Variants in KIF21A observed in about 807,000 individuals in gnomAD.
KIF21A encodes kinesin-like protein KIF21A.
In KIF21A, 114 loss-of-function variants were observed where a neutral mutation model predicts 202.9. The observed-to-expected ratio is 0.56, with a 90% confidence interval of 0.48 to 0.66. The LOEUF (loss-of-function observed/expected upper bound fraction) is 0.66. Among genes scored for constraint, KIF21A ranks in the 30% least tolerant of loss-of-function variants. The pLI, the probability that KIF21A is intolerant of heterozygous loss-of-function variation, is 0.00. For missense variants in KIF21A, 1,677 were observed against 1,994.9 expected (o/e 0.84, Z 3.04); for synonymous variants, 667 against 670.8 (o/e 0.99, Z 0.09).
At chr12:39,412,124 C>A (rs1271901064) in intron 1 of KIF21A, among the ~76,000 whole-genome samples, 2 of 152,086 alleles carry the variant, frequency 1.3e-5, no homozygotes, top group African/African-American at 4.8e-5. Context: ...TACACGGGAG[C>A]GTGAGCCCCA....
At chr12:39,320,886 G>GATC (rs1945152042) in intron 27 of KIF21A, among the ~76,000 whole-genome samples, 1 of 114,720 alleles carries the variant, frequency 8.7e-6, no homozygotes, top group Non-Finnish European at 1.6e-5. Context: ...AGTGAGCCAA[G>GATC]ATCACATCAC....
intron 24 of KIF21A, 36 bp from the exon 25 acceptor site, chr12:39,326,360 C>T (rs1469265336): frequency 1.4e-6 from 2 of 1,459,164 alleles, no homozygotes; most frequent in South Asian, 2.3e-5. Flanking sequence ...GCATTATCCC[C>T]ATGTCACAGT....
chr12:39,360,817 G>A (rs1369269334), intron 7 of KIF21A, among the ~76,000 whole-genome samples: 1 of 152,110 alleles, frequency 6.6e-6, no homozygotes, highest in Non-Finnish European at 1.5e-5. Context: ...TTTTTTAAAA[G>A]ACACTAAATT....
At chr12:39,398,497 A>G (rs528240415) in intron 1 of KIF21A, among the ~76,000 whole-genome samples, 8 of 152,258 alleles carry the variant, frequency 5.3e-5, no homozygotes, top group African/African-American at 1.7e-4. Flanking sequence ...GCTACTCAGG[A>G]GGGTGAGGCA....
chr12:39,326,504 G>T (rs1446176949), intron 24 of KIF21A, among the ~76,000 whole-genome samples, 180 bp from the exon 25 acceptor site: 1 of 152,176 alleles, frequency 6.6e-6, no homozygotes, highest in Non-Finnish European at 1.5e-5. Flanking sequence ...TCCTTTGATT[G>T]TGTGTTCTAG....
Position 39,301,576 on chromosome 12 carries a change from T to A in KIF21A, c.4835A>T (p.Asn1612Ile). The part of the protein sequence containing the change: ...GCRGGILKVW[N>I]MDTFMPVGEM... Reference sequence around the variant, plus strand: ...TCCCACTGGCATAAAAGTATCCATGTTCCAGACTTTCAAAATGCCCCCTCT... The same window carrying A: ...TCCCACTGGCATAAAAGTATCCATGATCCAGACTTTCAAAATGCCCCCTCT... The change falls in exon 37 of 38, where the codon AAC becomes ATC. Residue 1612 changes from asparagine (N) to isoleucine (I), a missense_variant. Physicochemically the swap from Asn to Ile is moderately radical, Grantham distance 149. Around this residue, in one of 3 missense-constraint regions of KIF21A, gnomAD observed 705 missense variants for 791.9 expected, o/e 0.89. Coordinates refer to ENST00000361418, the MANE Select transcript of KIF21A (RefSeq NM_001173464.2). The A allele has an allele frequency of 6.2e-7, 1 of 1,614,108 alleles. No homozygotes were observed. The highest frequency in any genetic ancestry group is 8.5e-7 in the Non-Finnish European group (1 of 1,179,978).
At chr12:39,381,347 T>C (rs578246002) in intron 1 of KIF21A, among the ~76,000 whole-genome samples, 1 of 151,468 alleles carries the variant, frequency 6.6e-6, no homozygotes, top group South Asian at 2.1e-4. Context: ...TGGGGAAAGC[T>C]AGCATTCTGA....
intron 1 of KIF21A, among the ~76,000 whole-genome samples, chr12:39,408,236 A>G (rs1361315711): frequency 2.0e-5 from 3 of 152,086 alleles, no homozygotes; most frequent in Non-Finnish European, 4.4e-5. Context: ...AAACTGTTCC[A>G]CCTCAGATCG....
chr12:39,368,936 T>C (rs909414966), intron 3 of KIF21A, among the ~76,000 whole-genome samples: 2 of 152,174 alleles, frequency 1.3e-5, no homozygotes, highest in African/African-American at 4.8e-5. Context: ...AGTGTTATTT[T>C]CCTTCTACTA....
At chr12:39,339,471 A>G (rs979981236) in intron 16 of KIF21A, among the ~76,000 whole-genome samples, 1 of 152,124 alleles carries the variant, frequency 6.6e-6, no homozygotes, top group Admixed American at 6.6e-5. Context: ...AGTACACTCC[A>G]TGATGTTTGC....
At chr12:39,340,845 G>T (rs1262014172) in intron 15 of KIF21A, 61 bp downstream of exon 15, 2 of 1,217,170 alleles carry the variant, frequency 1.6e-6, no homozygotes, top group Non-Finnish European at 1.2e-6. Flanking sequence ...TAAAGGAAAA[G>T]ATAAAAACCC....
chr12:39,318,187 G>A lies in KIF21A; in HGVS notation c.3794C>T (p.Thr1265Ile). ...AKEQKHSDSG[T>I]SEASLSPPSS... ...AGGAGGTGAAAGACTAGCCTCTGAAGTTCCAGAATCTGAGCTACAAGAAAA... is the reference window on the plus strand; with the variant it reads ...AGGAGGTGAAAGACTAGCCTCTGAAATTCCAGAATCTGAGCTACAAGAAAA... Residue 1265 changes from threonine to isoleucine, a missense_variant, in exon 29 of 38, where the codon ACT (threonine) becomes ATT (isoleucine). This residue lies in a region of KIF21A where 705 missense variants were observed against 791.9 expected (regional missense o/e 0.89). Transcript: ENST00000361418. 1 of 1,613,318 alleles carries A rather than the reference G, an allele frequency of 6.2e-7. No individual in the cohort carries two copies. The highest frequency in any genetic ancestry group is 8.5e-7 in the Non-Finnish European group (1 of 1,179,422).
At chr12:39,312,976 T>TA (rs1180937311) in intron 31 of KIF21A, 2 of 151,956 alleles carry the variant, frequency 1.3e-5, no homozygotes, top group East Asian at 3.9e-4. Context: ...AGGACAAATA[T>TA]AAGGATAAAG....
chr12:39,372,059 A>G (rs370439228), intron 1 of KIF21A, among the ~76,000 whole-genome samples: 88 of 151,810 alleles, frequency 5.8e-4, no homozygotes, highest in African/African-American at 2.1e-3. Context: ...AGGTCAATAG[A>G]GGTAAAATAG....
intron 16 of KIF21A, among the ~76,000 whole-genome samples, chr12:39,338,381 A>G (rs1302258699): frequency 6.6e-6 from 1 of 152,218 alleles, no homozygotes; most frequent in Non-Finnish European, 1.5e-5. Context: ...AAAGTTTTTT[A>G]ACTTAAAATA....
Position 39,442,789 on chromosome 12 carries a change from G to C in KIF21A, c.44+138C>G. On this transcript the variant is annotated intron_variant, in intron 1 of 37. Coordinates refer to ENST00000361418, the MANE Select transcript of KIF21A (RefSeq NM_001173464.2). The surrounding 1 kb of genome is among the most constrained non-coding windows in gnomAD (Gnocchi z 5.0). ...AGGCCAGCGGGGACTCACTGCCTCA[G>C]TTTCCTCAGCCGCAGAACCCGGCCG... 9.0e-7 allele frequency: 1 copy of C among 1,116,318 alleles called. No individual in the cohort carries two copies. The highest frequency in any genetic ancestry group is 2.9e-5 in the East Asian group (1 of 34,226). 69.2% of individuals were successfully genotyped at this position (1,116,318 alleles called of 1,614,324 possible).
At chr12:39,401,846 A>T (rs1472170389) in intron 1 of KIF21A, among the ~76,000 whole-genome samples, 2 of 152,204 alleles carry the variant, frequency 1.3e-5, no homozygotes, top group African/African-American at 2.4e-5. Context: ...AATATTTTTT[A>T]AAAAAGGAGA....
At chr12:39,380,136 T>A (rs1950523663) in intron 1 of KIF21A, among the ~76,000 whole-genome samples, 1 of 152,108 alleles carries the variant, frequency 6.6e-6, no homozygotes, top group African/African-American at 2.4e-5. Flanking sequence ...CCCGGCTAAT[T>A]TTTTGTATTT....
At chr12:39,391,018 T>C (rs1380836544) in intron 1 of KIF21A, among the ~76,000 whole-genome samples, 1 of 152,188 alleles carries the variant, frequency 6.6e-6, no homozygotes, top group Non-Finnish European at 1.5e-5. Flanking sequence ...AGTATGATTA[T>C]TATACTTGAG....
Sources: gnomAD v4.1 joint callset for allele counts (sites outside exome capture counted in the v4.1 genomes callset) on GRCh38, gnomAD v4.1.1 for gene constraint, gnomAD v4.1.1 regional missense constraint, Gnocchi (gnomAD v3.1) non-coding constraint, MANE v1.5 for transcripts, NCBI Gene and HGNC (gene_info 2026-07-23, HGNC 2026-07-21) for gene names.